Variants in MELK observed in about 807,000 individuals in gnomAD.
The protein encoded by MELK is pEg3 kinase.
In MELK, 81 loss-of-function variants were observed where a neutral mutation model predicts 85.0. The observed-to-expected ratio is 0.95, with a 90% confidence interval of 0.80 to 1.15. The LOEUF is 1.15. Among genes scored for constraint, MELK ranks in the 50% most tolerant of loss-of-function variants. The pLI is 0.00. For synonymous variants in MELK, 252 were observed against 265.0 expected (o/e 0.95, Z 0.48); for missense variants, 754 against 777.5 (o/e 0.97, Z 0.36).
At chr9:36,608,463 A>G (rs898904091) in intron 8 of MELK, among the ~76,000 whole-genome samples, 7 of 151,878 alleles carry the variant, frequency 4.6e-5, no homozygotes, top group South Asian at 4.1e-4. Flanking sequence ...TATAGGGTTC[A>G]TTGCTATCCG....
chr9:36,626,785 C>G (rs1046018590), intron 8 of MELK, among the ~76,000 whole-genome samples: 1 of 151,744 alleles, frequency 6.6e-6, no homozygotes, highest in Admixed American at 6.6e-5. Flanking sequence ...TGGTGAAACC[C>G]TATCTCTACT....
intron 13 of MELK, among the ~76,000 whole-genome samples, chr9:36,660,773 C>A (rs1426225747): frequency 1.3e-5 from 2 of 151,674 alleles, no homozygotes; most frequent in African/African-American, 4.8e-5. Context: ...GGGTGGATCA[C>A]CTGAGGTCGG....
intron 13 of MELK, among the ~76,000 whole-genome samples, chr9:36,663,249 T>C (rs1220113714): frequency 6.6e-6 from 1 of 152,026 alleles, no homozygotes; most frequent in Admixed American, 6.6e-5. Context: ...CCCAGCTAAT[T>C]TTTGTATTAT....
chr9:36,655,453 GGAGAGAGAGAGA>G (rs66684364), intron 12 of MELK, among the ~76,000 whole-genome samples: 1 of 147,696 alleles, frequency 6.8e-6, no homozygotes, highest in African/African-American at 2.5e-5. Context: ...TCAAGTAGGG[GGAGAGAGAGAGA>G]GAGAGAGAGA....
chr9:36,611,032 A>G (rs1428712073), intron 8 of MELK, among the ~76,000 whole-genome samples: 1 of 152,192 alleles, frequency 6.6e-6, no homozygotes, highest in Admixed American at 6.5e-5. Flanking sequence ...GGAGCATTTC[A>G]GGTTTTGGAT....
chr9:36,645,256 CAA>C (rs398046556), intron 11 of MELK, among the ~76,000 whole-genome samples: 8 of 60,748 alleles, frequency 1.3e-4, no homozygotes, highest in East Asian at 5.9e-4. Context: ...GACTCCGTCT[CAA>C]AAAAAAAAAA....
At chr9:36,657,503 A>G (rs1831370284) in intron 13 of MELK, 140 bp downstream of exon 13, 1 of 919,192 alleles carries the variant, frequency 1.1e-6, no homozygotes, top group African/African-American at 1.7e-5. Context: ...GATAACTGGA[A>G]TACGAATGAA....
intron 8 of MELK, among the ~76,000 whole-genome samples, chr9:36,626,515 T>C (rs955746600): frequency 1.3e-5 from 2 of 152,166 alleles, no homozygotes; most frequent in African/African-American, 2.4e-5. Flanking sequence ...CGTAGACATA[T>C]AGCTTAGAAG....
intron 11 of MELK, among the ~76,000 whole-genome samples, chr9:36,648,651 G>A (rs1830432593): frequency 6.6e-6 from 1 of 152,190 alleles, no homozygotes. Flanking sequence ...ACCAGGATTT[G>A]TATCCTATTT....
intron 14 of MELK, among the ~76,000 whole-genome samples, chr9:36,666,674 G>A (rs1350944487): frequency 6.6e-6 from 1 of 152,126 alleles, no homozygotes; most frequent in African/African-American, 2.4e-5. Context: ...GTGTACTAAT[G>A]GAGCTCATAG....
Position 36,670,968 on chromosome 9 carries a change from A to G in MELK, c.1506-30A>G, listed in dbSNP as rs530081654. The G allele has an allele frequency of 1.0e-4, 163 of 1,587,326 alleles. No individual in the cohort carries two copies. The South Asian group carries it at 1.7e-3, about 17-fold the overall frequency. On this transcript the variant is annotated intron_variant, in intron 15 of 17. Transcript: ENST00000298048. ...CCCCACAGGCCGGAGGCCCAGCTCT[A>G]CTTGTGCCTTGTTTTATGTTTTGTT...
At chr9:36,620,936 G>A (rs1827342429) in intron 8 of MELK, among the ~76,000 whole-genome samples, 2 of 151,798 alleles carry the variant, frequency 1.3e-5, no homozygotes, top group African/African-American at 2.4e-5. Context: ...GCCAACATTT[G>A]CACATTTCTT....
rs182049358 is a variant in MELK at position 36,589,134 on chromosome 9, G to C, written c.145-402G>C. Among the ~76,000 whole-genome samples, 5 of 152,014 alleles carry C rather than the reference G, an allele frequency of 3.3e-5. No homozygotes were observed. The East Asian group carries it at 9.7e-4, about 29-fold the overall frequency. On this transcript the variant is annotated intron_variant, in intron 3 of 17. Transcript: ENST00000298048. ...TTGAACAGTTTTTGGGGGGCTTTTT[G>C]ATAGCTTTTGCTACTTAGTATTTTT...
rs1354501618 is a variant in MELK, at chr9:36,589,658, T to C, written c.261+6T>C. 2.5e-6 allele frequency: 4 copies of C among 1,579,250 alleles called. No homozygotes were observed. The highest frequency in any genetic ancestry group is 1.1e-5 in the South Asian group (1 of 90,368). On this transcript the variant is annotated splice_donor_region_variant and intron_variant, in intron 4 of 17. Transcript: ENST00000298048. ...AAATATTCATGGTTCTTGAGGTTAG[T>C]AGTATGTTCCAGATACCTGAAAACA...
chr9:36,596,814 G>GACCTCAGGTGATGTGCCT (rs1206447889), intron 5 of MELK, among the ~76,000 whole-genome samples: 1 of 150,072 alleles, frequency 6.7e-6, no homozygotes, highest in Non-Finnish European at 1.5e-5. Flanking sequence ...TCGAACTCCT[G>GACCTCAGGTGATGTGCCT]ACCTCAGGTG....
At chr9:36,606,452 C>T (rs1825515198) in intron 7 of MELK, among the ~76,000 whole-genome samples, 2 of 116,344 alleles carry the variant, frequency 1.7e-5, no homozygotes, top group Admixed American at 1.8e-4. Flanking sequence ...ATAATATATA[C>T]ATATGTATAG....
At chr9:36,583,269 G>A (rs1386387196) in intron 2 of MELK, among the ~76,000 whole-genome samples, 2 of 152,024 alleles carry the variant, frequency 1.3e-5, no homozygotes, top group South Asian at 2.1e-4. Context: ...CACCGCGCCC[G>A]GCCTCAAATA....
chr9:36,636,754 T>G (rs539202454), intron 10 of MELK, among the ~76,000 whole-genome samples: 1,804 of 106,968 alleles, frequency 0.017, 44 homozygotes, highest in African/African-American at 0.066. Flanking sequence ...CTTTCTTTCT[T>G]TCTTTCTTTC....
chr9:36,624,646 A>T (rs1827769179), intron 8 of MELK, among the ~76,000 whole-genome samples: 1 of 152,204 alleles, frequency 6.6e-6, no homozygotes, highest in African/African-American at 2.4e-5. Flanking sequence ...AAGGGGTGAT[A>T]AAAAGGCAAA....
Sources: allele counts gnomAD v4.1 joint callset (sites outside exome capture counted in the v4.1 genomes callset), GRCh38; gene constraint gnomAD v4.1.1; transcripts MANE v1.5; gene names NCBI Gene and HGNC (gene_info 2026-07-23, HGNC 2026-07-21).